THSD4: variants seen among roughly 807,000 people sequenced by gnomAD.
THSD4 encodes the protein thrombospondin type 1 domain containing 4.
Under a neutral mutation model 119.0 loss-of-function variants are expected in THSD4, and 69 were observed. That is an observed-to-expected ratio of 0.58 (90% CI 0.48 to 0.71). The LOEUF is 0.71. Among genes scored for constraint, THSD4 ranks in the 30% least tolerant of loss-of-function variants. THSD4 has a pLI of 0.00. For missense variants in THSD4, 1,393 were observed against 1,391.1 expected, an observed-to-expected ratio of 1.00 and a Z score of -0.02; for synonymous variants, 524 against 540.4, an observed-to-expected ratio of 0.97 and a Z score of 0.42.
At chr15:71,215,934 T>A (rs2043929011) in intron 4 of THSD4, among the ~76,000 whole-genome samples, 2 of 152,164 alleles carry the variant, frequency 1.3e-5, no homozygotes, top group Admixed American at 1.3e-4. Context: ...AACACATTGG[T>A]TTGAGGATAT....
At chr15:71,407,422 CT>C (rs1376596624) in intron 6 of THSD4, among the ~76,000 whole-genome samples, 3 of 152,078 alleles carry the variant, frequency 2.0e-5, no homozygotes, top group Admixed American at 2.0e-4. Flanking sequence ...TTTCTATTTT[CT>C]TTTTCTTTTG....
intron 7 of THSD4, among the ~76,000 whole-genome samples, chr15:71,637,794 C>T (rs937113804): frequency 7.3e-5 from 11 of 151,658 alleles, no homozygotes; most frequent in African/African-American, 2.4e-4. Flanking sequence ...GGTGTGACCT[C>T]AGCTCAGTGC....
At chr15:71,348,073 T>A (rs913593946) in intron 6 of THSD4, 1 of 152,208 alleles carries the variant, frequency 6.6e-6, no homozygotes, top group African/African-American at 2.4e-5. Flanking sequence ...TGTAAAATCT[T>A]GGACATGTAG....
chr15:71,373,978 G>A (rs2046096448), intron 6 of THSD4, among the ~76,000 whole-genome samples: 1 of 152,188 alleles, frequency 6.6e-6, no homozygotes, highest in African/African-American at 2.4e-5. Context: ...CCTTCCCTCA[G>A]GATGTTATGT....
chr15:71,135,910 C>A (rs1463805935), intron 1 of THSD4, among the ~76,000 whole-genome samples: 1 of 151,544 alleles, frequency 6.6e-6, no homozygotes, highest in South Asian at 2.1e-4. Context: ...TGTCCTCTGT[C>A]ATTCACACTG....
At chr15:71,158,378 C>T (rs929021140) in intron 3 of THSD4, among the ~76,000 whole-genome samples, 3 of 152,024 alleles carry the variant, frequency 2.0e-5, no homozygotes, top group Non-Finnish European at 4.4e-5. Context: ...GTCTTGAACT[C>T]CCGACCTCAG....
intron 6 of THSD4, among the ~76,000 whole-genome samples, chr15:71,309,265 G>A (rs1032149685): frequency 1.3e-5 from 2 of 152,154 alleles, no homozygotes; most frequent in African/African-American, 4.8e-5. Flanking sequence ...TATTCTTAAT[G>A]ACTAATGTTG....
chr15:71,661,992 C>G (rs187496089), intron 8 of THSD4, among the ~76,000 whole-genome samples: 1 of 152,134 alleles, frequency 6.6e-6, no homozygotes, highest in Admixed American at 6.5e-5. Context: ...CATACCATAA[C>G]GAGGTGGAGC....
At chr15:71,644,277 C>G (rs564367874) in intron 7 of THSD4, among the ~76,000 whole-genome samples, 4 of 152,318 alleles carry the variant, frequency 2.6e-5, no homozygotes, top group Admixed American at 2.6e-4. Context: ...GCCTGATTTT[C>G]TATGATAAGC....
chr15:71,136,837 G>T (rs894322144), intron 1 of THSD4, among the ~76,000 whole-genome samples: 2 of 152,162 alleles, frequency 1.3e-5, no homozygotes, highest in East Asian at 1.9e-4. Flanking sequence ...ATACTCAGAG[G>T]TGGGCCTGTG....
chr15:71,492,879 C>T (rs2047943487), intron 7 of THSD4, among the ~76,000 whole-genome samples: 3 of 150,422 alleles, frequency 2.0e-5, no homozygotes, highest in Admixed American at 6.6e-5. Flanking sequence ...AAACCCTTTG[C>T]CCTCCATGAA....
intron 17 of THSD4, among the ~76,000 whole-genome samples, chr15:71,775,951 G>T (rs914374111): frequency 6.6e-6 from 1 of 152,124 alleles, no homozygotes; most frequent in Admixed American, 6.5e-5. Context: ...AAGCTGTGGG[G>T]AAAAGATGAA....
chr15:71,557,557 A>C (rs993491521), intron 7 of THSD4, among the ~76,000 whole-genome samples: 23 of 152,092 alleles, frequency 1.5e-4, no homozygotes, highest in African/African-American at 5.1e-4. Flanking sequence ...AAATTATTGT[A>C]ATTTATTCCT....
intron 17 of THSD4, among the ~76,000 whole-genome samples, chr15:71,776,533 A>C (rs2053915535): frequency 6.6e-6 from 1 of 152,240 alleles, no homozygotes; most frequent in African/African-American, 2.4e-5. Context: ...TATGGCAAAA[A>C]GAGAATTCTT....
intron 8 of THSD4, among the ~76,000 whole-genome samples, chr15:71,721,533 G>T (rs1490119501): frequency 1.3e-5 from 2 of 151,350 alleles, no homozygotes; most frequent in Non-Finnish European, 1.5e-5. Context: ...AGCTGGGTAT[G>T]GTGGCACATG....
intron 8 of THSD4, among the ~76,000 whole-genome samples, chr15:71,724,386 C>T (rs1376023330): frequency 4.0e-5 from 6 of 150,256 alleles, no homozygotes; most frequent in South Asian, 2.1e-4. Flanking sequence ...CCTGGGTTCA[C>T]GCCATTCTCC....
In THSD4 at chr15:71,380,388, A is replaced by T. The variant is rs139534944; in HGVS notation, c.1016-31299A>T. Among the ~76,000 whole-genome samples the T allele has an allele frequency of 7.2e-5, 11 of 152,232 alleles. No individual in the cohort carries two copies. The East Asian group carries it at 1.9e-3, about 27-fold the overall frequency. ...AATTCACAAGTCACAATGTCATGTC[A>T]TCAGTTGAATAATTTTTTATATTCT... On this transcript the variant is annotated intron_variant, in intron 6 of 17. Transcript: ENST00000261862.
chr15:71,207,630 C>T (rs1414755082), intron 3 of THSD4, among the ~76,000 whole-genome samples: 2 of 152,202 alleles, frequency 1.3e-5, no homozygotes, highest in African/African-American at 4.8e-5. Flanking sequence ...AGCGGCGGGT[C>T]AGCGGGCATT....
chr15:71,774,122 G>T (rs1216486294), intron 17 of THSD4, among the ~76,000 whole-genome samples: 1 of 152,046 alleles, frequency 6.6e-6, no homozygotes, highest in Non-Finnish European at 1.5e-5. Context: ...GACCAGCCTG[G>T]GCAACATGGT....
Sources: gnomAD v4.1 joint callset for allele counts (sites outside exome capture counted in the v4.1 genomes callset) on GRCh38, gnomAD v4.1.1 for gene constraint, MANE v1.5 for transcripts, NCBI Gene and HGNC (gene_info 2026-07-23, HGNC 2026-07-21) for gene names.